PFKL: variants seen among roughly 807,000 people sequenced by gnomAD.
The protein encoded by PFKL is ATP-dependent 6-phosphofructokinase, liver type.
Under a neutral mutation model 92.1 loss-of-function variants are expected in PFKL, and 74 were observed. That is an observed-to-expected ratio of 0.80 (90% CI 0.67 to 0.97). The LOEUF is 0.97. Among genes scored for constraint, PFKL ranks in the 50% least tolerant of loss-of-function variants. PFKL has a pLI of 0.00. For synonymous variants in PFKL, 494 were observed against 456.4 expected (o/e 1.08, Z -1.05); for missense variants, 1,028 against 1,116.6 (o/e 0.92, Z 1.13).
intron 2 of PFKL, among the ~76,000 whole-genome samples, chr21:44,309,249 G>A (rs1161012435): frequency 6.6e-6 from 1 of 152,100 alleles, no homozygotes; most frequent in Non-Finnish European, 1.5e-5. Flanking sequence ...AGGGAGGGTG[G>A]CCTTGGAGGT....
intron 7 of PFKL, chr21:44,316,034 C>T (rs1004705980): frequency 6.0e-5 from 35 of 585,762 alleles, no homozygotes; most frequent in African/African-American, 1.3e-4. Flanking sequence ...TCTTGTTCAC[C>T]GCCTCCAGGA....
intron 3 of PFKL, among the ~76,000 whole-genome samples, chr21:44,311,391 C>T (rs1193147447): frequency 1.3e-5 from 2 of 152,136 alleles, no homozygotes; most frequent in Non-Finnish European, 2.9e-5. Flanking sequence ...CACAGACACA[C>T]ACAGATGCAC....
chr21:44,325,604 C>T (rs2047484113), intron 19 of PFKL: 9 of 488,596 alleles, frequency 1.8e-5, no homozygotes, highest in East Asian at 7.1e-5. Context: ...GCAGGAAGCC[C>T]GCGTCCTGGG....
intron 4 of PFKL, among the ~76,000 whole-genome samples, 163 bp downstream of exon 4, chr21:44,312,457 G>C (rs1249834016): frequency 6.6e-6 from 1 of 152,194 alleles, no homozygotes; most frequent in African/African-American, 2.4e-5. Flanking sequence ...CTGCCAGCAC[G>C]AGCTCAGATG....
At chr21:44,318,241 G>C (rs2047262036) in intron 9 of PFKL, among the ~76,000 whole-genome samples, 1 of 152,344 alleles carries the variant, frequency 6.6e-6, no homozygotes, top group Admixed American at 6.5e-5. Context: ...GCAGCCAGCA[G>C]TGCAGGCTGG....
rs765926149 is a variant in PFKL, at chr21:44,300,955, C to T, written c.85+765C>T. ...CACCTGTGGCACAGGACGCCACCTA[C>T]CCTACCCCTCAGGAGGAGAGAGGAG... On this transcript the variant is annotated intron_variant, in intron 1 of 21. Coordinates refer to ENST00000349048, the MANE Select transcript of PFKL (RefSeq NM_002626.6). Among the ~76,000 whole-genome samples the T allele has an allele frequency of 1.4e-3, 213 of 152,180 alleles. 1 individual carries two copies. Among genetic ancestry groups the T allele is most frequent in the Non-Finnish European group, 2.7e-3 (185 of 68,026 alleles).
intron 9 of PFKL, 113 bp from the exon 10 acceptor site, chr21:44,318,357 T>G: frequency 8.3e-7 from 1 of 1,201,938 alleles, no homozygotes; most frequent in African/African-American, 1.6e-5. Context: ...TCTGGAAGCT[T>G]CCGTCAGCGT....
chr21:44,311,410 G>A (rs1413723607), intron 3 of PFKL, among the ~76,000 whole-genome samples: 2 of 151,692 alleles, frequency 1.3e-5, no homozygotes, highest in African/African-American at 4.9e-5. Context: ...ACACAGACAT[G>A]GAGACAGATA....
chr21:44,325,284 C>A lies in PFKL; in HGVS notation c.1989+20C>A. ...CAGCAGGTGTGGGGCAGGGGTGAGG[C>A]TCTGAGAGGCCTGCCCCTCTTTCCT... On this transcript the variant is annotated intron_variant, in intron 19 of 21. Coordinates refer to ENST00000349048, the MANE Select transcript of PFKL (RefSeq NM_002626.6). The A allele has an allele frequency of 6.9e-7, 1 of 1,452,924 alleles. No homozygotes were observed. The highest frequency in any genetic ancestry group is 9.7e-7 in the Non-Finnish European group (1 of 1,034,214). The allele number at this position is 1,452,924 out of a possible 1,614,324, so 90.0% of individuals were successfully genotyped here.
chr21:44,306,576 A>C, intron 1 of PFKL, 105 bp from the exon 2 acceptor site: 4 of 857,526 alleles, frequency 4.7e-6, no homozygotes, highest in Non-Finnish European at 7.4e-6. Flanking sequence ...TCTGAGATGG[A>C]CAGGGTGTCC....
intron 14 of PFKL, 130 bp downstream of exon 14, chr21:44,322,333 GC>G: frequency 1.2e-6 from 1 of 826,516 alleles, no homozygotes; most frequent in Non-Finnish European, 1.9e-6. Context: ...CTGGTGGTCT[GC>G]CCAGAGCAGG....
At position 44,312,188 on chromosome 21, in the gene PFKL, G is replaced by C; in HGVS notation, c.321G>C (p.Gln107His). The change falls in exon 4 of 22, where the codon CAG becomes CAC. Residue 107 changes from glutamine to histidine, a missense_variant. By Grantham distance (24) the Gln-to-His change is conservative (BLOSUM62 0). Coordinates refer to ENST00000349048, the MANE Select transcript of PFKL (RefSeq NM_002626.6). ...GGGCAGCGGCCTACAACCTGGTCCA[G>C]CACGGCATCACCAACCTGTGCGTCA... The part of the protein sequence containing the change: ...GRRAAAYNLV[Q>H]HGITNLCVIG... 5 of 1,605,256 alleles carry C rather than the reference G, an allele frequency of 3.1e-6. No homozygotes were observed. The highest frequency in any genetic ancestry group is 4.2e-6 in the Non-Finnish European group (5 of 1,176,628).
At chr21:44,326,565 A>G in intron 21 of PFKL, 150 bp from the exon 22 acceptor site, 1 of 1,082,402 alleles carries the variant, frequency 9.2e-7, no homozygotes, top group Non-Finnish European at 1.3e-6. Context: ...GGGACCCCAG[A>G]CCTGTCCCAG....
At chr21:44,310,889 A>T in intron 2 of PFKL, 117 bp from the exon 3 acceptor site, 1 of 723,482 alleles carries the variant, frequency 1.4e-6, no homozygotes, top group African/African-American at 1.7e-5. Context: ...GTGGGGCCTC[A>T]CAGTCAGCAC....
In PFKL at chr21:44,313,649, C is replaced by T. The variant is rs774800782; in HGVS notation, c.605C>T (p.Thr202Ile). 5.0e-6 allele frequency: 8 copies of T among 1,612,202 alleles called. No homozygotes were observed. In the Admixed American group the frequency reaches 5.0e-5, roughly 10 times the overall value. ...TTCCATCTCCACAGCCACCAGAGGA[C>T]CTTCGTGCTGGAAGTGATGGGCCGG... ...ITTTAQSHQR[T>I]FVLEVMGRHC... is the part of the protein sequence containing the mutation. Residue 202 changes from threonine (T) to isoleucine (I), a missense_variant, in exon 6 of 22, where the codon ACC becomes ATC. Transcript: ENST00000349048.
At chr21:44,311,233 C>A (rs1359250638) in intron 3 of PFKL, 150 bp downstream of exon 3, 5 of 640,634 alleles carry the variant, frequency 7.8e-6, no homozygotes, top group African/African-American at 1.8e-5. Context: ...GACGCACACA[C>A]ACACAGATGT....
At position 44,326,047 on chromosome 21, in the gene PFKL, G is replaced by C. The variant is rs149471945; in HGVS notation, c.2076G>C (p.Glu692Asp). ...AMLWLSEKLREVYRKGRVFAN... is the reference protein window; with the variant it reads ...AMLWLSEKLRDVYRKGRVFAN... ...TGTGGTTGTCGGAGAAGCTGCGCGA[G>C]GTTTACCGCAAGGGTAGGTGGTGGG... Residue 692 changes from glutamate to aspartate, a missense_variant, in exon 20 of 22, where the codon GAG (glutamate) becomes GAC (aspartate). Physicochemically the swap from Glu to Asp is conservative, Grantham distance 45. Coordinates refer to ENST00000349048, the MANE Select transcript of PFKL (RefSeq NM_002626.6). 2 of 1,613,616 alleles carry C rather than the reference G, an allele frequency of 1.2e-6. No homozygotes were observed. Among genetic ancestry groups the C allele is most frequent in the East Asian group, 4.5e-5 (2 of 44,880 alleles).
intron 12 of PFKL, chr21:44,320,916 A>G (rs2047338677): frequency 6.6e-6 from 1 of 152,308 alleles, no homozygotes; most frequent in Admixed American, 6.5e-5. Context: ...AGCGTGGCCC[A>G]GCCTGAGTCT....
chr21:44,318,359 C>T lies in PFKL; in HGVS notation c.937-111C>T, dbSNP rs151279364. ...TGATGCCACCTGTTCTGGAAGCTTC[C>T]GTCAGCGTGGGGGGCTCTGGAAGCT... On this transcript the variant is annotated intron_variant, in intron 9 of 21. Coordinates refer to ENST00000349048, the MANE Select transcript of PFKL (RefSeq NM_002626.6). 430 of 1,220,380 alleles carry T rather than the reference C, an allele frequency of 3.5e-4. 1 individual carries two copies. The African/African-American group carries it at 5.5e-3, about 16-fold the overall frequency. The allele number at this position is 1,220,380 out of a possible 1,614,324, so 75.6% of individuals were successfully genotyped here. A position where few individuals can be genotyped will look rare whatever the true frequency, so the allele number is the denominator to read the frequency against.
Sources: allele counts gnomAD v4.1 joint callset (sites outside exome capture counted in the v4.1 genomes callset), GRCh38; gene constraint gnomAD v4.1.1; transcripts MANE v1.5; gene names NCBI Gene and HGNC (gene_info 2026-07-23, HGNC 2026-07-21).